The following NUP210 variants were observed in gnomAD, a reference collection of about 807,000 sequenced individuals.
NUP210 encodes the protein nucleoporin 210.
A neutral mutation model predicts 196.0 loss-of-function variants in NUP210; 151 were observed. The observed-to-expected ratio is 0.77, with a 90% CI of 0.67 to 0.88. The LOEUF is 0.88. NUP210 is among the 40% of genes least tolerant of loss of function. The probability of loss-of-function intolerance (pLI) is 0.00; values close to 1 mark genes in which losing one functional copy is unlikely to be tolerated. For missense variants in NUP210, 2,314 were observed against 2,493.7 expected, an observed-to-expected ratio of 0.93 and a Z score of 1.53; for synonymous variants, 1,070 against 1,052.7, an observed-to-expected ratio of 1.02 and a Z score of -0.32.
chr3:13,379,956 T>TA lies in NUP210; in HGVS notation c.818-236dup, dbSNP rs11303861. ...AATCAGTTTTTCTGTGTAAGCTGTT[T>TA]AAAAAAAAAATTAACCACAATCTAT... is the stretch of plus-strand genomic sequence containing the variant. On this transcript the variant is annotated intron_variant, in intron 6 of 39. Transcript: ENST00000254508. The surrounding 1 kb of genome is among the most constrained non-coding windows in gnomAD (Gnocchi z 4.2). Among the ~76,000 whole-genome samples the TA allele has an allele frequency of 0.034, 5,176 of 151,750 alleles. 124 individuals are homozygous for TA. Among genetic ancestry groups the TA allele is most frequent in the Middle Eastern group, 0.075 (22 of 294 alleles).
At position 13,375,591 on chromosome 3, in the gene NUP210, C is replaced by T. The variant is rs1035304998; in HGVS notation, c.1344G>A (p.Val448=). The change falls in exon 11 of 40, where the codon GTG becomes GTA. Residue 448 remains valine (V), a synonymous_variant. Transcript: ENST00000254508. The stretch of plus-strand genomic sequence containing the variant: ...ACAGGGTGATCGGGATGTGAATTTC[C>T]ACCTCCTGCTGGTTCCACACAGGCA... ...LQVPVWNQQE[V]EIHIPITLYP... The T allele has an allele frequency of 5.6e-6, 9 of 1,614,108 alleles. No individual in the cohort carries two copies. The highest frequency in any genetic ancestry group is 5.9e-6 in the Non-Finnish European group (7 of 1,180,012).
chr3:13,370,704 T>C (rs1273005148), intron 13 of NUP210, among the ~76,000 whole-genome samples: 1 of 152,206 alleles, frequency 6.6e-6, no homozygotes, highest in African/African-American at 2.4e-5. Context: ...TGCAGTATGC[T>C]CAGGGATTTT....
In NUP210 at chr3:13,391,938, C is replaced by A. The variant is rs576537696; in HGVS notation, c.437-631G>T. On this transcript the variant is annotated intron_variant, in intron 3 of 39. Coordinates refer to ENST00000254508, the MANE Select transcript of NUP210 (RefSeq NM_024923.4). Reference sequence around the variant, plus strand: ...CTTTCCAATCAAGAAACAGATGCCACATGCAAGTCTAGTTCTCACCTCCTC... The same window carrying A: ...CTTTCCAATCAAGAAACAGATGCCAAATGCAAGTCTAGTTCTCACCTCCTC... Among the ~76,000 whole-genome samples, 86 of 152,170 alleles carry A rather than the reference C, an allele frequency of 5.7e-4. 3 individuals carry two copies. The South Asian group carries it at 0.016, about 28-fold the overall frequency.
chr3:13,319,749 G>A lies in NUP210; in HGVS notation c.5383+14C>T, dbSNP rs546455321. The A allele has an allele frequency of 2.0e-5, 32 of 1,611,260 alleles. No homozygotes were observed. The highest frequency in any genetic ancestry group is 1.8e-4 in the Admixed American group (11 of 59,992). On this transcript the variant is annotated intron_variant, in intron 37 of 39. Coordinates refer to ENST00000254508, the MANE Select transcript of NUP210 (RefSeq NM_024923.4). ...ATCCTGGTCTGTCCCAGATGATGTC[G>A]TTCCGTGACTCACAAGGACCGGGCC...
At position 13,327,346 on chromosome 3, in the gene NUP210, C is replaced by T. The variant is rs775926281; in HGVS notation, c.4378G>A (p.Asp1460Asn). ...SVGLTLLRVW[D>N]AEHPGLSDFM... ...TCCGAGAGGCCCGGGTGCTCTGCGT[C>T]CCACACACGGAGCAGTGTCAGGCCC... Residue 1460 changes from aspartate to asparagine, a missense_variant, in exon 32 of 40, where the codon GAC becomes AAC. Asp to Asn is a conservative substitution (Grantham distance 23). Transcript: ENST00000254508. 1 of 1,613,384 alleles carries T rather than the reference C, an allele frequency of 6.2e-7. No homozygotes were observed.
At chr3:13,354,419 C>T (rs1044274611) in intron 16 of NUP210, 5 of 366,268 alleles carry the variant, frequency 1.4e-5, no homozygotes, top group East Asian at 6.0e-5. Context: ...GGCATCTACT[C>T]GGGAGAGGTC....
At chr3:13,332,428 C>A in intron 28 of NUP210, 44 bp from the exon 29 acceptor site, 1 of 1,443,322 alleles carries the variant, frequency 6.9e-7, no homozygotes, top group South Asian at 1.1e-5. Flanking sequence ...GCACTGGAGT[C>A]ACATTCAGGC....
intron 28 of NUP210, among the ~76,000 whole-genome samples, chr3:13,334,516 G>T (rs1697130208): frequency 6.6e-6 from 1 of 152,100 alleles, no homozygotes; most frequent in African/African-American, 2.4e-5. Context: ...TTGCTTCTTT[G>T]CCCCTGATCA....
At position 13,373,664 on chromosome 3, in the gene NUP210, G is replaced by A. The variant is rs1576394983; in HGVS notation, c.1587+54C>T. The A allele has an allele frequency of 1.9e-6, 3 of 1,588,318 alleles. No homozygotes were observed. The East Asian group carries it at 6.7e-5, about 36-fold the overall frequency. On this transcript the variant is annotated intron_variant, in intron 12 of 39. Coordinates refer to ENST00000254508, the MANE Select transcript of NUP210 (RefSeq NM_024923.4). ...AGTCGAGGCTTGCTCAGAGGGGGCG[G>A]CTGGAGACCACCATCCGAGCCTCCC...
chr3:13,416,411 A>G (rs138923136), intron 1 of NUP210, among the ~76,000 whole-genome samples: 266 of 152,312 alleles, frequency 1.7e-3, no homozygotes, highest in African/African-American at 6.2e-3. Flanking sequence ...AGGTCGCACA[A>G]CATCCCCTTC....
intron 16 of NUP210, among the ~76,000 whole-genome samples, chr3:13,355,262 C>T (rs1028767391): frequency 6.6e-6 from 1 of 152,234 alleles, no homozygotes; most frequent in East Asian, 1.9e-4. Flanking sequence ...AAGAACTACC[C>T]TTCTCTCATC....
Position 13,322,160 on chromosome 3 carries a change from A to G in NUP210, c.4915+33T>C, listed in dbSNP as rs752521276. 1.9e-6 allele frequency: 3 copies of G among 1,612,866 alleles called. No individual in the cohort carries two copies. In the East Asian group the frequency reaches 6.7e-5, roughly 36 times the overall value. ...TGCCCAGAAGACAGAGACTGTCTCC[A>G]AGTCCCTTTCACTTTCAAATCCTCG... is the stretch of plus-strand genomic sequence containing the variant. On this transcript the variant is annotated intron_variant, in intron 35 of 39. Coordinates refer to ENST00000254508, the MANE Select transcript of NUP210 (RefSeq NM_024923.4).
intron 18 of NUP210, 57 bp from the exon 19 acceptor site, chr3:13,352,241 G>A (rs433521): frequency 2.3e-5 from 31 of 1,322,676 alleles, no homozygotes; most frequent in African/African-American, 7.2e-5. Context: ...GCTGCCCCTC[G>A]GGAAGAACAG....
At chr3:13,407,959 T>A (rs560704880) in intron 1 of NUP210, among the ~76,000 whole-genome samples, 1 of 152,232 alleles carries the variant, frequency 6.6e-6, no homozygotes, top group East Asian at 1.9e-4. Flanking sequence ...GAAGATGGGA[T>A]CTTAGTAATG....
intron 11 of NUP210, among the ~76,000 whole-genome samples, chr3:13,374,278 G>A (rs1250782241): frequency 6.6e-6 from 1 of 151,996 alleles, no homozygotes; most frequent in Non-Finnish European, 1.5e-5. Flanking sequence ...CGCACCCACG[G>A]TACACTCACA....
At chr3:13,342,261 C>T in intron 21 of NUP210, 138 bp from the exon 22 acceptor site, 1 of 1,055,176 alleles carries the variant, frequency 9.5e-7, no homozygotes, top group Non-Finnish European at 1.4e-6. Flanking sequence ...CCCAGGTTGA[C>T]TTCTGGACTA....
chr3:13,382,182 A>T (rs1699126684), intron 6 of NUP210, among the ~76,000 whole-genome samples: 1 of 152,240 alleles, frequency 6.6e-6, no homozygotes, highest in East Asian at 1.9e-4. Context: ...ATCAGCCAGC[A>T]TGCCCTTCCC....
chr3:13,321,969 A>G, intron 35 of NUP210, 134 bp from the exon 36 acceptor site: 1 of 1,321,914 alleles, frequency 7.6e-7, no homozygotes, highest in Non-Finnish European at 1.0e-6. Flanking sequence ...CTCCTCCAGG[A>G]GTCCTCCTGG....
chr3:13,404,862 GAGA>G (rs1699954968), intron 1 of NUP210, among the ~76,000 whole-genome samples: 1 of 152,158 alleles, frequency 6.6e-6, no homozygotes, highest in African/African-American at 2.4e-5. Flanking sequence ...GATCTGGGGA[GAGA>G]AGAATTACAT....
Sources: allele counts gnomAD v4.1 joint callset (sites outside exome capture counted in the v4.1 genomes callset), GRCh38; gene constraint gnomAD v4.1.1; non-coding constraint Gnocchi (gnomAD v3.1); transcripts MANE v1.5; gene names NCBI Gene and HGNC (gene_info 2026-07-23, HGNC 2026-07-21).